FRY: variants seen among roughly 807,000 people sequenced by gnomAD.
FRY encodes FRY microtubule binding protein, also known as protein furry homolog.
In FRY, 128 loss-of-function variants were observed where a neutral mutation model predicts 348.4. The ratio of observed to expected loss-of-function variants is 0.37; its 90% CI spans 0.32 to 0.43. FRY has a LOEUF of 0.43. Ranked by LOEUF, FRY falls within the 20% of genes least tolerant of loss-of-function variation. The probability of loss-of-function intolerance (pLI) is 1.00; values close to 1 mark genes in which losing one functional copy is unlikely to be tolerated. For synonymous variants in FRY, 1,370 were observed against 1,374.7 expected (o/e 1.00, Z 0.08); for missense variants, 2,736 against 3,695.2 (o/e 0.74, Z 6.73).
chr13:32,190,493 C>T (rs1388616779), intron 28 of FRY, among the ~76,000 whole-genome samples: 1 of 152,004 alleles, frequency 6.6e-6, no homozygotes, highest in Admixed American at 6.6e-5. Flanking sequence ...AATTAAAAAT[C>T]AATTATATTT....
intron 3 of FRY, among the ~76,000 whole-genome samples, chr13:32,111,521 G>A (rs1377695868): frequency 2.6e-5 from 4 of 151,992 alleles, no homozygotes; most frequent in East Asian, 1.9e-4. Context: ...AGAAAGAGAA[G>A]AAGAGAGTTG....
chr13:32,283,106 A>C (rs1359533619), intron 58 of FRY, among the ~76,000 whole-genome samples: 2 of 151,318 alleles, frequency 1.3e-5, no homozygotes, highest in African/African-American at 4.9e-5. Flanking sequence ...GCACCATTGC[A>C]CTCCAGCCTG....
chr13:32,046,049 G>A (rs1199148541), intron 1 of FRY, among the ~76,000 whole-genome samples: 1 of 152,118 alleles, frequency 6.6e-6, no homozygotes, highest in Non-Finnish European at 1.5e-5. Flanking sequence ...CAAAACAACA[G>A]CCATCAAACT....
At chr13:32,060,313 C>A (rs1193849813) in intron 1 of FRY, among the ~76,000 whole-genome samples, 2 of 152,188 alleles carry the variant, frequency 1.3e-5, no homozygotes, top group Admixed American at 1.3e-4. Flanking sequence ...TAACATTCTC[C>A]AATATTGGCT....
Position 32,182,962 on chromosome 13 carries a change from C to G in FRY, c.2997-15C>G, listed in dbSNP as rs116649497. 2,478 of 1,570,238 alleles carry G rather than the reference C, an allele frequency of 1.6e-3. 41 individuals are homozygous for G. In the African/African-American group the frequency reaches 0.03, roughly 19 times the overall value. On this transcript the variant is annotated splice_polypyrimidine_tract_variant and intron_variant, in intron 23 of 60. Transcript: ENST00000542859. ...AAAAACAATGAATTTCAAATTTGAC[C>G]TTTTTCCTCCACAGAGAATTGGTAG...
At position 32,208,864 on chromosome 13, in the gene FRY, C is replaced by T; in HGVS notation, c.4030C>T (p.Arg1344Ter). The stretch of plus-strand genomic sequence containing the variant: ...GCAATTCTCTTTAGAGGTAAGCCAG[C>T]GATTCCCCACAACACACCCCAACGG... ...TLPLFSEVSQ[R>*]FPTTHPNGRQ... The change falls in exon 32 of 61, where the codon CGA becomes TGA. Residue 1344 changes from arginine (R) to a stop codon, truncating the protein, a stop_gained. Transcript: ENST00000542859. LOFTEE classifies it high-confidence loss of function. 2.5e-6 allele frequency: 4 copies of T among 1,614,030 alleles called. No individual in the cohort carries two copies. Among genetic ancestry groups the T allele is most frequent in the Non-Finnish European group, 3.4e-6 (4 of 1,179,936 alleles).
chr13:32,154,153 T>C (rs1016947780), intron 14 of FRY, among the ~76,000 whole-genome samples: 2 of 152,172 alleles, frequency 1.3e-5, no homozygotes, highest in African/African-American at 4.8e-5. Flanking sequence ...TATTTTCTTA[T>C]CCACAACATT....
chr13:32,184,008 G>T (rs1292521568), intron 24 of FRY, among the ~76,000 whole-genome samples: 2 of 151,400 alleles, frequency 1.3e-5, no homozygotes, highest in African/African-American at 4.9e-5. Flanking sequence ...GGTGGTGCAT[G>T]CCTGTAGTCC....
rs193062504 is a variant in FRY at position 32,122,210 on chromosome 13, G to A, written c.465-2076G>A. 7.2e-5 allele frequency among the ~76,000 whole-genome samples: 11 copies of A among 152,254 alleles called. No homozygotes were observed. In the East Asian group the frequency reaches 1.5e-3, roughly 21 times the overall value. On this transcript the variant is annotated intron_variant, in intron 4 of 60. Transcript: ENST00000542859. Reference sequence around the variant, plus strand: ...TGTAATCCCAGCACTTTGGGAGGCCGAGGTGGGTGGATCACAAGGTCAGAA... The same window carrying A: ...TGTAATCCCAGCACTTTGGGAGGCCAAGGTGGGTGGATCACAAGGTCAGAA...
At chr13:32,275,141 G>A (rs1888460618) in intron 56 of FRY, 150 bp downstream of exon 56, 1 of 662,362 alleles carries the variant, frequency 1.5e-6, no homozygotes, top group African/African-American at 1.8e-5. Flanking sequence ...CACTTTGGGA[G>A]GCCGAGGTGG....
chr13:32,274,774 C>A lies in FRY; in HGVS notation c.8137-68C>A. On this transcript the variant is annotated intron_variant, in intron 55 of 60. Coordinates refer to ENST00000542859, the MANE Select transcript of FRY (RefSeq NM_023037.3). ...TATAAAAAAAGAAGCTACCCCTCCC[C>A]CAAAATATGTTTTATCATATATAAG... 4 of 1,213,260 alleles carry A rather than the reference C, an allele frequency of 3.3e-6. No homozygotes were observed. The South Asian group carries it at 4.9e-5, about 15-fold the overall frequency. 75.2% of individuals were successfully genotyped at this position (1,213,260 alleles called of 1,614,324 possible).
intron 31 of FRY, among the ~76,000 whole-genome samples, chr13:32,207,250 T>A (rs1884407628): frequency 6.6e-6 from 1 of 152,212 alleles, no homozygotes. Flanking sequence ...TTTTGGGATT[T>A]TTTCCCCCAT....
At chr13:32,130,909 G>A (rs570747429) in intron 7 of FRY, among the ~76,000 whole-genome samples, 3 of 151,472 alleles carry the variant, frequency 2.0e-5, no homozygotes, top group South Asian at 2.1e-4. Flanking sequence ...TCTGCCTCCC[G>A]GGTTCAAGTG....
At chr13:32,116,627 G>C (rs1214128422) in intron 3 of FRY, among the ~76,000 whole-genome samples, 1 of 152,078 alleles carries the variant, frequency 6.6e-6, no homozygotes, top group Non-Finnish European at 1.5e-5. Flanking sequence ...GAGGCATTTT[G>C]TGGAAACTTT....
intron 1 of FRY, among the ~76,000 whole-genome samples, chr13:32,056,784 CTT>C (rs772105343): frequency 1.2e-4 from 19 of 152,222 alleles, no homozygotes; most frequent in South Asian, 2.1e-4. Flanking sequence ...TATTTTAACT[CTT>C]ATATTTACTG....
At chr13:32,037,263 G>A (rs1331773079) in intron 1 of FRY, among the ~76,000 whole-genome samples, 2 of 152,154 alleles carry the variant, frequency 1.3e-5, no homozygotes, top group African/African-American at 4.8e-5. Flanking sequence ...AGTATTTTAT[G>A]TGTATTTTCC....
chr13:32,263,627 T>C (rs1190727882), intron 53 of FRY, among the ~76,000 whole-genome samples: 1 of 152,206 alleles, frequency 6.6e-6, no homozygotes, highest in Non-Finnish European at 1.5e-5. Flanking sequence ...ACAAAATATA[T>C]GTGCATTTGA....
At position 32,262,350 on chromosome 13, in the gene FRY, A is replaced by G. The variant is rs1373802780; in HGVS notation, c.7654A>G (p.Met2552Val). Residue 2552 changes from methionine to valine, a missense_variant, in exon 53 of 61, where the codon ATG (methionine) becomes GTG (valine). Coordinates refer to ENST00000542859, the MANE Select transcript of FRY (RefSeq NM_023037.3). ...TLSPSEETNP[M>V]ELLTTACDST... ...CTCCCCCTCTGAAGAGACGAATCCCATGGAGCTGCTCACCACAGCCTGTGA... is the reference window on the plus strand; with the variant it reads ...CTCCCCCTCTGAAGAGACGAATCCCGTGGAGCTGCTCACCACAGCCTGTGA... 1.2e-6 allele frequency: 2 copies of G among 1,613,870 alleles called. No individual in the cohort carries two copies. The highest frequency in any genetic ancestry group is 1.7e-6 in the Non-Finnish European group (2 of 1,179,886).
intron 44 of FRY, among the ~76,000 whole-genome samples, chr13:32,238,920 A>G (rs1042074932): frequency 6.6e-6 from 1 of 152,196 alleles, no homozygotes; most frequent in Non-Finnish European, 1.5e-5. Context: ...TTCTTAAAAT[A>G]TGTTTTTTTG....
Sources: gnomAD v4.1 joint callset for allele counts (sites outside exome capture counted in the v4.1 genomes callset) on GRCh38, gnomAD v4.1.1 for gene constraint, MANE v1.5 for transcripts, NCBI Gene and HGNC (gene_info 2026-07-23, HGNC 2026-07-21) for gene names.